The following TMEM8B variants were observed in gnomAD, a reference collection of about 807,000 sequenced individuals.
TMEM8B encodes the protein transmembrane protein 8B.
A neutral mutation model predicts 49.3 loss-of-function variants in TMEM8B; 29 were observed. That is an observed-to-expected ratio of 0.59 (90% CI 0.44 to 0.80). The LOEUF (loss-of-function observed/expected upper bound fraction) is 0.80, where lower values mean the gene tolerates loss of function less well. TMEM8B is among the 30% of genes least tolerant of loss of function. The probability of loss-of-function intolerance (pLI) is 0.00; values close to 1 mark genes in which losing one functional copy is unlikely to be tolerated. For synonymous variants in TMEM8B, 264 were observed against 272.8 expected, an observed-to-expected ratio of 0.97 and a Z score of 0.32; for missense variants, 575 against 658.5, an observed-to-expected ratio of 0.87 and a Z score of 1.39.
Position 35,846,252 on chromosome 9 carries a change from C to T in TMEM8B, c.1730-6C>T. The T allele has an allele frequency of 1.9e-6, 3 of 1,614,168 alleles. No homozygotes were observed. Among genetic ancestry groups the T allele is most frequent in the Non-Finnish European group, 1.7e-6 (2 of 1,180,016 alleles). On this transcript the variant is annotated splice_region_variant and splice_polypyrimidine_tract_variant and intron_variant, in intron 7 of 12. Coordinates refer to ENST00000643932, the MANE Select transcript of TMEM8B (RefSeq NM_001042590.4). ...CCTCTCACTGACTCCTTCCTTCTCC[C>T]TTCAGAGTCCCTGGCCGGCTTCCTC...
At chr9:35,837,744 C>T (rs1830577637) in intron 3 of TMEM8B, among the ~76,000 whole-genome samples, 1 of 152,184 alleles carries the variant, frequency 6.6e-6, no homozygotes, top group South Asian at 2.1e-4. Flanking sequence ...GATGCCTTTT[C>T]ACGTCCTTTC....
chr9:35,836,883 G>A (rs1224987949), intron 3 of TMEM8B, among the ~76,000 whole-genome samples: 2 of 152,184 alleles, frequency 1.3e-5, no homozygotes, highest in African/African-American at 4.8e-5. Context: ...GAGAGATGTA[G>A]TGCTTCCATC....
At position 35,846,520 on chromosome 9, in the gene TMEM8B, G is replaced by T. The variant is rs1376734174; in HGVS notation, c.1905G>T (p.Leu635=). 6.3e-7 allele frequency: 1 copy of T among 1,589,774 alleles called. No individual in the cohort carries two copies. The highest frequency in any genetic ancestry group is 8.6e-7 in the Non-Finnish European group (1 of 1,168,178). Reference sequence around the variant, plus strand: ...CCGAGGTGCGGATGCGCACCTTCCTGTCCCCATGCGTGGACGACTGCGGGC... The same window carrying T: ...CCGAGGTGCGGATGCGCACCTTCCTTTCCCCATGCGTGGACGACTGCGGGC... ...ATAEVRMRTF[L]SPCVDDCGPY... Residue 635 remains leucine (L), a synonymous_variant, in exon 9 of 13, where the codon CTG becomes CTT. Transcript: ENST00000643932.
In TMEM8B at chr9:35,853,520, C is replaced by T. The variant is rs148540551; in HGVS notation, c.2455C>T (p.Arg819Cys). The T allele has an allele frequency of 6.0e-3, 9,747 of 1,613,190 alleles. 42 individuals carry two copies. The highest frequency in any genetic ancestry group is 0.016 in the Middle Eastern group (97 of 6,054). Residue 819 changes from arginine to cysteine, a missense_variant, in exon 13 of 13, where the codon CGC becomes TGC. By Grantham distance (180) the Arg-to-Cys change is radical (BLOSUM62 -3). Transcript: ENST00000643932. The surrounding 1 kb of genome is among the most constrained non-coding windows in gnomAD (Gnocchi z 4.2). ...TCTCCCCCAGACAGTACGCAGCGTC[C>T]GCCGCCGGCACTGCTACCCACCCAC... ...LATAWTVRSV[R>C]RRHCYPPTWR...
chr9:35,853,397 G>A lies in TMEM8B; in HGVS notation c.2440-108G>A. The stretch of plus-strand genomic sequence containing the variant: ...GGCAGTGTCCGCTCCAGTCTTGGCA[G>A]GTGTCTTTAGGTCACAACCAGGATA... On this transcript the variant is annotated intron_variant, in intron 12 of 12. Coordinates refer to ENST00000643932, the MANE Select transcript of TMEM8B (RefSeq NM_001042590.4). This position sits in a 1 kb window ranked among gnomAD's most constrained non-coding sequence, Gnocchi z 4.2. The A allele has an allele frequency of 6.7e-7, 1 of 1,487,092 alleles. No homozygotes were observed. Among genetic ancestry groups the A allele is most frequent in the Non-Finnish European group, 9.1e-7 (1 of 1,099,454 alleles). The allele number at this position is 1,487,092 out of a possible 1,614,324, so 92.1% of individuals were successfully genotyped here. A position where few individuals can be genotyped will look rare whatever the true frequency, so the allele number is the denominator to read the frequency against.
Position 35,846,361 on chromosome 9 carries a change from C to T in TMEM8B, c.1833C>T (p.Ser611=), listed in dbSNP as rs1376249102. The T allele has an allele frequency of 3.7e-6, 6 of 1,613,664 alleles. No individual in the cohort carries two copies. The highest frequency in any genetic ancestry group is 5.1e-6 in the Non-Finnish European group (6 of 1,179,930). Residue 611 remains serine, a synonymous_variant, in exon 8 of 13, where the codon TCC becomes TCT. Transcript: ENST00000643932. The stretch of plus-strand genomic sequence containing the variant: ...GGACCTGGTTCCTGGCCCTCCGCTC[C>T]CTGTGCGGGGTGGGGCCTCGGTGAG... ...QTGTWFLALR[S]LCGVGPRFVR... is the part of the protein sequence containing the mutation.
At position 35,846,030 on chromosome 9, in the gene TMEM8B, C is replaced by G; in HGVS notation, c.1691C>G (p.Pro564Arg). 1 of 1,613,686 alleles carries G rather than the reference C, an allele frequency of 6.2e-7. No individual in the cohort carries two copies. The highest frequency in any genetic ancestry group is 8.5e-7 in the Non-Finnish European group (1 of 1,179,978). The change falls in exon 7 of 13, where the codon CCC becomes CGC. Residue 564 changes from proline (P) to arginine (R), a missense_variant. Coordinates refer to ENST00000643932, the MANE Select transcript of TMEM8B (RefSeq NM_001042590.4). ...TTTGGATGCTTGACTCACGAGGTGCCCTTGAGCCTGGGGGATGCAGCAGTG... is the reference window on the plus strand; with the variant it reads ...TTTGGATGCTTGACTCACGAGGTGCGCTTGAGCCTGGGGGATGCAGCAGTG... Reference protein sequence around the residue: ...TVFGCLTHEVPLSLGDAAVTC... With the variant: ...TVFGCLTHEVRLSLGDAAVTC...
intron 1 of TMEM8B, among the ~76,000 whole-genome samples, chr9:35,831,204 G>A (rs1457586731): frequency 6.6e-6 from 1 of 152,124 alleles, no homozygotes; most frequent in Non-Finnish European, 1.5e-5. Flanking sequence ...GGCAGCATGT[G>A]TACATGCTTG....
rs984270065 is a variant in TMEM8B, at chr9:35,860,333, C to T, written c.*6493C>T. 7.2e-5 allele frequency: 11 copies of T among 152,362 alleles called. 1 individual carries two copies. The East Asian group carries it at 2.1e-3, about 29-fold the overall frequency. The allele number at this position is 152,362 out of a possible 1,614,324, so 9.4% of individuals were successfully genotyped here. A position where few individuals can be genotyped will look rare whatever the true frequency, so the allele number is the denominator to read the frequency against. On this transcript the variant is annotated 3_prime_UTR_variant, in exon 13 of 13. Transcript: ENST00000643932. ...TGGTCATTAACAGGAAGCATCTTTT[C>T]TACATTACGGTTTCATGTGACCAAA...
intron 10 of TMEM8B, among the ~76,000 whole-genome samples, chr9:35,851,581 C>T (rs1832141706): frequency 6.6e-6 from 1 of 152,210 alleles, no homozygotes; most frequent in East Asian, 1.9e-4. Context: ...TTTCGAAAGC[C>T]TGGAACACCC....
rs1383169678 is a variant in TMEM8B, at chr9:35,846,494, G to A, written c.1879G>A (p.Ala627Thr). 6.3e-7 allele frequency: 1 copy of A among 1,598,100 alleles called. No homozygotes were observed. The highest frequency in any genetic ancestry group is 2.3e-5 in the East Asian group (1 of 44,110). ...GTTCGTGCGGTGCCGCAACGCGACG[G>A]CCGAGGTGCGGATGCGCACCTTCCT... ...PRFVRCRNAT[A>T]EVRMRTFLSP... The change falls in exon 9 of 13, where the codon GCC becomes ACC. Residue 627 changes from alanine to threonine, a missense_variant. Coordinates refer to ENST00000643932, the MANE Select transcript of TMEM8B (RefSeq NM_001042590.4).
chr9:35,842,736 G>T lies in TMEM8B; in HGVS notation c.1635+19G>T, dbSNP rs781552174. ...CAATGCGGTACTCTTTATGGAGAGTGGGGAGGTTGCTCTGCCAGGGAGCTT... is the reference window on the plus strand; with the variant it reads ...CAATGCGGTACTCTTTATGGAGAGTTGGGAGGTTGCTCTGCCAGGGAGCTT... On this transcript the variant is annotated intron_variant, in intron 6 of 12. Transcript: ENST00000643932. This position sits in a 1 kb window ranked among gnomAD's most constrained non-coding sequence, Gnocchi z 5.6. The T allele has an allele frequency of 1.3e-6, 2 of 1,589,962 alleles. No homozygotes were observed. The highest frequency in any genetic ancestry group is 3.5e-5 in the Admixed American group (2 of 57,766).
intron 1 of TMEM8B, among the ~76,000 whole-genome samples, chr9:35,831,557 G>A (rs1459730686): frequency 6.6e-6 from 1 of 152,248 alleles, no homozygotes; most frequent in Non-Finnish European, 1.5e-5. Flanking sequence ...AGAGGCAGTA[G>A]CCAGTCAGGT....
rs1832399022 is a variant in TMEM8B, at chr9:35,854,048, C to T, written c.*208C>T. 1 of 1,295,226 alleles carries T rather than the reference C, an allele frequency of 7.7e-7. No individual in the cohort carries two copies. Among genetic ancestry groups the T allele is most frequent in the Admixed American group, 3.6e-5 (1 of 27,618 alleles). 80.2% of individuals were successfully genotyped at this position (1,295,226 alleles called of 1,614,324 possible). A position where few individuals can be genotyped will look rare whatever the true frequency, so the allele number is the denominator to read the frequency against. ...CTGGAGTCCCCCTGCATCATGGAGT[C>T]CTTCTTAAGGACTGGAGCCTATGCA... On this transcript the variant is annotated 3_prime_UTR_variant, in exon 13 of 13. Coordinates refer to ENST00000643932, the MANE Select transcript of TMEM8B (RefSeq NM_001042590.4).
chr9:35,834,031 T>TACACACACAC (rs377460934), intron 1 of TMEM8B, among the ~76,000 whole-genome samples: 3,336 of 138,342 alleles, frequency 0.024, 54 homozygotes, highest in East Asian at 0.04. Context: ...CATGCCAAAA[T>TACACACACAC]ACACACACAC....
Position 35,846,599 on chromosome 9 carries a change from G to A in TMEM8B, c.1984G>A (p.Glu662Lys). Residue 662 changes from glutamate (E) to lysine (K), a missense_variant, in exon 9 of 13, where the codon GAG (glutamate) becomes AAG (lysine). Physicochemically the swap from Glu to Lys is moderately conservative, Grantham distance 56. Coordinates refer to ENST00000643932, the MANE Select transcript of TMEM8B (RefSeq NM_001042590.4). ...ACACAATTATCTGTACGCAGCCTGC[G>A]AGTGCAAGGCCGGTGAGCAGGCTGG... is the stretch of plus-strand genomic sequence containing the variant. ...RTHNYLYAACECKAGWRGWGC... is the reference protein window; with the variant it reads ...RTHNYLYAACKCKAGWRGWGC... 1.3e-6 allele frequency: 2 copies of A among 1,573,530 alleles called. No individual in the cohort carries two copies. Among genetic ancestry groups the A allele is most frequent in the Admixed American group, 1.9e-5 (1 of 53,272 alleles).
At chr9:35,836,621 A>G (rs1039624643) in intron 3 of TMEM8B, among the ~76,000 whole-genome samples, 1 of 152,218 alleles carries the variant, frequency 6.6e-6, no homozygotes, top group East Asian at 1.9e-4. Context: ...AATGGGGAAT[A>G]GAGATAGTAG....
intron 6 of TMEM8B, 111 bp from the exon 7 acceptor site, chr9:35,845,864 A>G: frequency 6.3e-7 from 1 of 1,589,302 alleles, no homozygotes; most frequent in East Asian, 2.2e-5. Flanking sequence ...GAGCGCCGGG[A>G]GGAATGGGCT....
intron 6 of TMEM8B, among the ~76,000 whole-genome samples, chr9:35,844,192 G>C (rs1831287673): frequency 1.3e-5 from 2 of 152,208 alleles, no homozygotes; most frequent in Admixed American, 1.3e-4. Flanking sequence ...GTGAATTTTT[G>C]AACCTGAATG....
Sources: allele counts gnomAD v4.1 joint callset (sites outside exome capture counted in the v4.1 genomes callset), GRCh38; gene constraint gnomAD v4.1.1; non-coding constraint Gnocchi (gnomAD v3.1); transcripts MANE v1.5; gene names NCBI Gene and HGNC (gene_info 2026-07-23, HGNC 2026-07-21).